MYCBP2: variants seen among roughly 807,000 people sequenced by gnomAD.
MYCBP2 encodes the protein E3 ubiquitin-protein ligase MYCBP2.
Under a neutral mutation model 525.3 loss-of-function variants are expected in MYCBP2, and 120 were observed. The ratio of observed to expected loss-of-function variants is 0.23; its 90% CI spans 0.20 to 0.27. The LOEUF (loss-of-function observed/expected upper bound fraction) is 0.27, where lower values mean the gene tolerates loss of function less well. Ranked by LOEUF, MYCBP2 falls within the 10% of genes least tolerant of loss-of-function variation. The probability of loss-of-function intolerance (pLI) is 1.00; values close to 1 mark genes in which losing one functional copy is unlikely to be tolerated. For missense variants in MYCBP2, 4,149 were observed against 5,657.1 expected (o/e 0.73, Z 8.55); for synonymous variants, 1,894 against 1,955.8 (o/e 0.97, Z 0.83).
intron 39 of MYCBP2, 101 bp downstream of exon 39, chr13:77,169,513 T>A: frequency 2.3e-6 from 2 of 877,626 alleles, no homozygotes; most frequent in Non-Finnish European, 1.8e-6. Context: ...ATATCCCAGA[T>A]GCCTCAAAGA....
At chr13:77,057,565 T>C (rs552987935) in intron 78 of MYCBP2, among the ~76,000 whole-genome samples, 3 of 152,300 alleles carry the variant, frequency 2.0e-5, no homozygotes, top group East Asian at 1.9e-4. Flanking sequence ...AGATCAATTA[T>C]ATAATGTTGT....
intron 4 of MYCBP2, among the ~76,000 whole-genome samples, chr13:77,275,261 C>T (rs930541850): frequency 6.6e-6 from 1 of 152,242 alleles, no homozygotes; most frequent in Non-Finnish European, 1.5e-5. Flanking sequence ...TAGAGAATGA[C>T]TTTCCATTCC....
intron 30 of MYCBP2, among the ~76,000 whole-genome samples, chr13:77,187,016 C>T (rs1283323032): frequency 3.3e-5 from 5 of 151,754 alleles, no homozygotes; most frequent in Admixed American, 6.6e-5. Flanking sequence ...CACTATATTG[C>T]CCTGGCTGGT....
rs563055009 is a variant in MYCBP2, at chr13:77,266,761, A to C, written c.1357+1080T>G. Reference sequence around the variant, plus strand: ...GACTTGTAATGAAAAAAAAAAAAAAAAAAAAAACCCTGTAGACATATCTGA... The same window carrying C: ...GACTTGTAATGAAAAAAAAAAAAAACAAAAAAACCCTGTAGACATATCTGA... On this transcript the variant is annotated intron_variant, in intron 8 of 82. Transcript: ENST00000544440. Among the ~76,000 whole-genome samples, 8 of 150,246 alleles carry C rather than the reference A, an allele frequency of 5.3e-5. No homozygotes were observed. In the South Asian group the frequency reaches 1.7e-3, roughly 31 times the overall value.
chr13:77,087,812 G>A lies in MYCBP2; in HGVS notation c.10726-179C>T, dbSNP rs1192152784. The A allele has an allele frequency of 3.1e-5, 17 of 556,756 alleles. 1 individual carries two copies. Among genetic ancestry groups the A allele is most frequent in the South Asian group, 1.3e-4 (5 of 37,072 alleles). 34.5% of individuals were successfully genotyped at this position (556,756 alleles called of 1,614,324 possible). A position where few individuals can be genotyped will look rare whatever the true frequency, so the allele number is the denominator to read the frequency against. The stretch of plus-strand genomic sequence containing the variant: ...TTTTCTTTTTAAGAGACAGTGTCTC[G>A]CTCTGTCACCCAGGTTGGAGTACAG... On this transcript the variant is annotated intron_variant, in intron 61 of 82. Transcript: ENST00000544440.
chr13:77,139,952 T>C (rs2054346993), intron 51 of MYCBP2, 95 bp downstream of exon 51: 3 of 721,510 alleles, frequency 4.2e-6, no homozygotes, highest in Non-Finnish European at 6.8e-6. Context: ...GCTTAAAACA[T>C]ATTCTGACAA....
chr13:77,225,588 G>T, intron 18 of MYCBP2, 34 bp from the exon 19 acceptor site: 1 of 1,604,082 alleles, frequency 6.2e-7, no homozygotes, highest in South Asian at 1.1e-5. Context: ...TTATGATTAA[G>T]CCATTATTCA....
Position 77,278,792 on chromosome 13 carries a change from T to C in MYCBP2, c.714A>G (p.Pro238=), listed in dbSNP as rs1018497646. Residue 238 remains proline (P), a synonymous_variant, in exon 4 of 83, where the codon CCA becomes CCG. Coordinates refer to ENST00000544440, the MANE Select transcript of MYCBP2 (RefSeq NM_015057.5). The part of the protein sequence containing the change: ...ALLNVLQGQQ[P]EGLQSEPPEV... ...CAGGTGGCTCAGACTGGAGGCCTTC[T>C]GGCTGCTGGCCCTGCAGCACGTTGA... is the stretch of plus-strand genomic sequence containing the variant. 7.6e-6 allele frequency: 12 copies of C among 1,581,700 alleles called. No homozygotes were observed. Among genetic ancestry groups the C allele is most frequent in the Non-Finnish European group, 9.4e-6 (11 of 1,166,034 alleles).
intron 21 of MYCBP2, 30 bp downstream of exon 21, chr13:77,217,810 A>AAT (rs1173200995): frequency 1.4e-6 from 2 of 1,382,528 alleles, no homozygotes; most frequent in East Asian, 4.6e-5. Context: ...GGTATAATGC[A>AAT]ATATTATTAA....
At chr13:77,201,037 T>A (rs1408528145) in intron 26 of MYCBP2, among the ~76,000 whole-genome samples, 1 of 151,654 alleles carries the variant, frequency 6.6e-6, no homozygotes, top group Non-Finnish European at 1.5e-5. Flanking sequence ...AATTCACACA[T>A]AACAATATTA....
At chr13:77,177,713 C>G in intron 35 of MYCBP2, 35 bp downstream of exon 35, 1 of 1,519,556 alleles carries the variant, frequency 6.6e-7, no homozygotes, top group Non-Finnish European at 9.1e-7. Context: ...ACACAACCCA[C>G]TAATCAGGAT....
At chr13:77,285,813 A>T (rs1448638639) in intron 3 of MYCBP2, among the ~76,000 whole-genome samples, 1 of 151,428 alleles carries the variant, frequency 6.6e-6, no homozygotes, top group Non-Finnish European at 1.5e-5. Context: ...GGAAAGGCAA[A>T]GGAAAAGGGA....
chr13:77,243,112 TGTC>T lies in MYCBP2; in HGVS notation c.2573_2575del (p.Arg858del). The T allele has an allele frequency of 1.9e-6, 3 of 1,614,148 alleles. No homozygotes were observed. Among genetic ancestry groups the T allele is most frequent in the South Asian group, 2.2e-5 (2 of 91,084 alleles). On this transcript the variant is annotated inframe_deletion, in exon 17 of 83. Transcript: ENST00000544440. ...GATTACACGTTGCCGTTTTTCTTCTTGTCGTAACTGAAGGTGTTCTTCAATGTT... is the reference window on the plus strand; with the variant it reads ...GATTACACGTTGCCGTTTTTCTTCTTGTAACTGAAGGTGTTCTTCAATGTT...
intron 18 of MYCBP2, among the ~76,000 whole-genome samples, chr13:77,229,349 A>G (rs1246609855): frequency 6.6e-6 from 1 of 152,102 alleles, no homozygotes; most frequent in African/African-American, 2.4e-5. Context: ...CAGATGAAAA[A>G]ACTAAGGCTT....
chr13:77,078,323 T>C (rs974918522), intron 66 of MYCBP2, among the ~76,000 whole-genome samples: 2 of 152,194 alleles, frequency 1.3e-5, no homozygotes, highest in Non-Finnish European at 2.9e-5. Flanking sequence ...GTTTCATGAA[T>C]ACAAGTAAGG....
At chr13:77,144,220 G>A in intron 49 of MYCBP2, 1 of 507,076 alleles carries the variant, frequency 2.0e-6, no homozygotes, top group Non-Finnish European at 3.5e-6. Flanking sequence ...GAAATGGAGG[G>A]AGAGAGTCAT....
intron 6 of MYCBP2, 93 bp from the exon 7 acceptor site, chr13:77,270,156 T>C (rs2074676983): frequency 1.4e-6 from 2 of 1,424,314 alleles, no homozygotes; most frequent in South Asian, 1.3e-5. Context: ...TTAATGCATG[T>C]ATTTCAATTA....
chr13:77,316,114 G>T (rs1389281383), intron 1 of MYCBP2, among the ~76,000 whole-genome samples: 2 of 152,010 alleles, frequency 1.3e-5, no homozygotes, highest in Non-Finnish European at 2.9e-5. Flanking sequence ...GGGCTGAGGG[G>T]TAGGAGAATC....
At chr13:77,102,293 T>C (rs1166005674) in intron 55 of MYCBP2, among the ~76,000 whole-genome samples, 2 of 151,736 alleles carry the variant, frequency 1.3e-5, no homozygotes, top group Non-Finnish European at 3.0e-5. Flanking sequence ...TACAATACTA[T>C]TTAGTATATT....
Sources: allele counts gnomAD v4.1 joint callset (sites outside exome capture counted in the v4.1 genomes callset), GRCh38; gene constraint gnomAD v4.1.1; transcripts MANE v1.5; gene names NCBI Gene and HGNC (gene_info 2026-07-23, HGNC 2026-07-21).